The following PHF23 variants were observed in gnomAD, a reference collection of about 807,000 sequenced individuals.
PHF23 encodes the protein PHD finger protein 23, also known as PDH-containing protein JUNE-1.
A neutral mutation model predicts 36.0 loss-of-function variants in PHF23; 3 were observed. The ratio of observed to expected loss-of-function variants is 0.08; its 90% CI spans 0.04 to 0.22. The LOEUF (loss-of-function observed/expected upper bound fraction) is 0.22. Ranked by LOEUF, PHF23 falls within the 10% of genes least tolerant of loss-of-function variation. PHF23 has a pLI of 1.00. For missense variants in PHF23, 475 were observed against 513.6 expected (o/e 0.92, Z 0.73); for synonymous variants, 242 against 192.5 (o/e 1.26, Z -2.13).
chr17:7,237,637 C>G lies in PHF23; in HGVS notation c.58G>C (p.Glu20Gln). 6.2e-7 allele frequency: 1 copy of G among 1,613,992 alleles called. No individual in the cohort carries two copies. Among genetic ancestry groups the G allele is most frequent in the Non-Finnish European group, 8.5e-7 (1 of 1,179,964 alleles). Residue 20 changes from glutamate to glutamine, a missense_variant, in exon 2 of 5, where the codon GAG becomes CAG. Physicochemically the swap from Glu to Gln is conservative, Grantham distance 29 (BLOSUM62 2). Around this residue, in one of 5 missense-constraint regions of PHF23, gnomAD observed 54 missense variants for 42.0 expected, o/e 1.28. Coordinates refer to ENST00000320316, the MANE Select transcript of PHF23 (RefSeq NM_024297.3). ...PEDPPPTLKP[E>Q]TQPPEKRRRT... The stretch of plus-strand genomic sequence containing the variant: ...GGTAAGGCAAACCTCACCTGAGTCT[C>G]TGGCTTAAGGGTCGGAGGTGGATCT...
chr17:7,238,867 G>A lies in PHF23; in HGVS notation c.34+379C>T, dbSNP rs919905545. 3 of 1,532,976 alleles carry A rather than the reference G, an allele frequency of 2.0e-6. No homozygotes were observed. The East Asian group carries it at 7.4e-5, about 38-fold the overall frequency. 95.0% of individuals were successfully genotyped at this position (1,532,976 alleles called of 1,614,324 possible). On this transcript the variant is annotated intron_variant, in intron 1 of 4. Transcript: ENST00000320316. ...CCGCCACAAACTACCCCACCTCGGC[G>A]AACTACCGGGCCCCTCACTCAGCCT...
Position 7,239,324 on chromosome 17 carries a change from C to G in PHF23, c.-45G>C. ...GGTCCGGCGCCCCCCTCCCCGGAGC[C>G]GGGGATCCCGGTGCCGCCTCTAGTG... On this transcript the variant is annotated 5_prime_UTR_variant, in exon 1 of 5. Transcript: ENST00000320316. 1 of 1,015,570 alleles carries G rather than the reference C, an allele frequency of 9.8e-7. No individual in the cohort carries two copies. The highest frequency in any genetic ancestry group is 1.4e-5 in the South Asian group (1 of 73,498). The allele number at this position is 1,015,570 out of a possible 1,614,324, so 62.9% of individuals were successfully genotyped here.
Position 7,235,564 on chromosome 17 carries a change from C to T in PHF23, c.*62G>A. The T allele has an allele frequency of 6.5e-7, 1 of 1,549,706 alleles. No individual in the cohort carries two copies. Among genetic ancestry groups the T allele is most frequent in the Admixed American group, 1.7e-5 (1 of 59,620 alleles). On this transcript the variant is annotated 3_prime_UTR_variant, in exon 5 of 5. Transcript: ENST00000320316. ...CAAGCTCCAGGGGATAGGCTGAGGA[C>T]CCTGAGGCTCAGTTCCCAAATCATG...
rs1366604404 is a variant in PHF23, at chr17:7,235,115, G to C, written c.*511C>G. 1 of 176,780 alleles carries C rather than the reference G, an allele frequency of 5.7e-6. No homozygotes were observed. The highest frequency in any genetic ancestry group is 2.4e-5 in the African/African-American group (1 of 41,860). 11.0% of individuals were successfully genotyped at this position (176,780 alleles called of 1,614,324 possible). On this transcript the variant is annotated 3_prime_UTR_variant, in exon 5 of 5. Transcript: ENST00000320316. ...GGCCGATATTATTAAAAACAAAAGA[G>C]GTGAGTGAGAATCGTCACCTTTCTG...
At chr17:7,239,467 G>A (rs1597568571), upstream of PHF23, 1 of 405,430 alleles carries the variant, frequency 2.5e-6, no homozygotes. Context: ...TCCCGGACCG[G>A]GCCCCCTCCC....
intron 3 of PHF23, 105 bp downstream of exon 3, chr17:7,237,280 A>G (rs1438792637): frequency 9.6e-7 from 1 of 1,045,664 alleles, no homozygotes; most frequent in East Asian, 2.4e-5. Context: ...CTTACATATA[A>G]TTTCTAAGGG....
intron 1 of PHF23, chr17:7,238,490 GC>G: frequency 1.2e-6 from 1 of 835,158 alleles, no homozygotes; most frequent in Non-Finnish European, 1.4e-6. Context: ...CTCAACTCTG[GC>G]CCCTTCCCCC....
chr17:7,236,515 A>G lies in PHF23; in HGVS notation c.412T>C (p.Phe138Leu). The G allele has an allele frequency of 6.2e-7, 1 of 1,614,150 alleles. No individual in the cohort carries two copies. The highest frequency in any genetic ancestry group is 8.5e-7 in the Non-Finnish European group (1 of 1,180,016). ...LEKMKLKDSL[F>L]DLDGPKVASP... ...GCCACTTTGGGCCCATCCAGATCAA[A>G]GAGAGAGTCCTTGAGCTTCATCTTC... Residue 138 changes from phenylalanine to leucine, a missense_variant, in exon 4 of 5, where the codon TTT becomes CTT. By Grantham distance (22) the Phe-to-Leu change is conservative. Around this residue, in one of 5 missense-constraint regions of PHF23, gnomAD observed 350 missense variants for 319.8 expected, o/e 1.09. Transcript: ENST00000320316. The surrounding 1 kb of genome is among the most constrained non-coding windows in gnomAD (Gnocchi z 5.1).
intron 1 of PHF23, chr17:7,238,767 CCCA>C: frequency 6.5e-7 from 1 of 1,533,746 alleles, no homozygotes; most frequent in Non-Finnish European, 8.7e-7. Flanking sequence ...CCCTCTTCTC[CCCA>C]CAACTACCTG....
chr17:7,239,079 C>T (rs550829502), intron 1 of PHF23, 167 bp downstream of exon 1: 1 of 1,198,948 alleles, frequency 8.3e-7, no homozygotes, highest in Admixed American at 2.6e-5. Flanking sequence ...TCCCACTCCT[C>T]TTTCTCCAAG....
Position 7,236,836 on chromosome 17 carries a change from T to G in PHF23, c.160-69A>C. Reference sequence around the variant, plus strand: ...ATCTCAGCCCCTCCACAAACCCAGCTTGAAAAGGAGTGACTGGATTTACCC... The same window carrying G: ...ATCTCAGCCCCTCCACAAACCCAGCGTGAAAAGGAGTGACTGGATTTACCC... On this transcript the variant is annotated intron_variant, in intron 3 of 4. Transcript: ENST00000320316. The surrounding 1 kb of genome is among the most constrained non-coding windows in gnomAD (Gnocchi z 5.1). 2 of 1,526,220 alleles carry G rather than the reference T, an allele frequency of 1.3e-6. No homozygotes were observed. Among genetic ancestry groups the G allele is most frequent in the Non-Finnish European group, 1.7e-6 (2 of 1,144,548 alleles). 94.5% of individuals were successfully genotyped at this position (1,526,220 alleles called of 1,614,324 possible).
At chr17:7,237,869 T>C (rs1415130901) in intron 1 of PHF23, 4 of 595,050 alleles carry the variant, frequency 6.7e-6, no homozygotes, top group Admixed American at 6.1e-5. Context: ...GAGGCCTCGC[T>C]ATAGCGCTCC....
In PHF23 at chr17:7,235,251, AG is replaced by A; in HGVS notation, c.*374del. ...CCGGTGTAGAAGAAAATAAATGGGG[AG>A]TGAAATAGAAGAAAAGATGAGGGAG... On this transcript the variant is annotated 3_prime_UTR_variant, in exon 5 of 5. Coordinates refer to ENST00000320316, the MANE Select transcript of PHF23 (RefSeq NM_024297.3). 12 of 265,838 alleles carry A rather than the reference AG, an allele frequency of 4.5e-5. No individual in the cohort carries two copies. The highest frequency in any genetic ancestry group is 1.8e-4 in the South Asian group (4 of 22,228). 16.5% of individuals were successfully genotyped at this position (265,838 alleles called of 1,614,324 possible). A position where few individuals can be genotyped will look rare whatever the true frequency, so the allele number is the denominator to read the frequency against.
intron 1 of PHF23, chr17:7,237,972 C>G (rs2071709077): frequency 6.2e-6 from 2 of 320,666 alleles, no homozygotes; most frequent in African/African-American, 4.5e-5. Flanking sequence ...CCCCACCCCA[C>G]CGTACCGCTC....
intron 4 of PHF23, 43 bp downstream of exon 4, chr17:7,235,887 C>T (rs1231928701): frequency 6.2e-7 from 1 of 1,613,242 alleles, no homozygotes; most frequent in Admixed American, 1.7e-5. Context: ...GCTGTTGGAT[C>T]CACAACACCC....
chr17:7,239,156 C>A, intron 1 of PHF23, 90 bp downstream of exon 1: 1 of 1,076,588 alleles, frequency 9.3e-7, no homozygotes, highest in Non-Finnish European at 1.4e-6. Context: ...AACTCCCCCG[C>A]TGGGCTCCGG....
Position 7,236,171 on chromosome 17 carries a change from TTCCTCCTCC to T in PHF23, c.747_755del (p.Glu259_Glu261del), listed in dbSNP as rs757243478. The T allele has an allele frequency of 1.9e-6, 3 of 1,610,682 alleles. No homozygotes were observed. The highest frequency in any genetic ancestry group is 2.5e-6 in the Non-Finnish European group (3 of 1,178,186). On this transcript the variant is annotated inframe_deletion, in exon 4 of 5. Coordinates refer to ENST00000320316, the MANE Select transcript of PHF23 (RefSeq NM_024297.3). This position sits in a 1 kb window ranked among gnomAD's most constrained non-coding sequence, Gnocchi z 5.1. Reference sequence around the variant, plus strand: ...CTTCTTCTTCTTCCTCTTCCTCCTCTTCCTCCTCCTCTTCAGAGTCTGTATCACTGGGGG... The same window carrying T: ...CTTCTTCTTCTTCCTCTTCCTCCTCTTCTTCAGAGTCTGTATCACTGGGGG...
chr17:7,235,661 G>T lies in PHF23; in HGVS notation c.1177C>A (p.Arg393=), dbSNP rs936564918. 1.2e-6 allele frequency: 2 copies of T among 1,613,980 alleles called. No individual in the cohort carries two copies. The highest frequency in any genetic ancestry group is 1.7e-6 in the Non-Finnish European group (2 of 1,180,022). The part of the protein sequence containing the change: ...KCKELRPEAR[R]LGGPPKSGEP ...CCAGATTTGGGAGGCCCCCCTAACC[G>T]CCGGGCCTCTGGCCTCAGTTCCTTG... Residue 393 remains arginine, a synonymous_variant, in exon 5 of 5, where the codon CGG becomes AGG. Transcript: ENST00000320316.
intron 1 of PHF23, chr17:7,239,045 A>G (rs1597568003): frequency 3.0e-6 from 4 of 1,318,100 alleles, no homozygotes; most frequent in Admixed American, 5.4e-5. Context: ...ACACCGTCTG[A>G]TCTCCAACTA....
Sources: gnomAD v4.1 joint callset for allele counts on GRCh38, gnomAD v4.1.1 for gene constraint, gnomAD v4.1.1 regional missense constraint, Gnocchi (gnomAD v3.1) non-coding constraint, MANE v1.5 for transcripts, NCBI Gene and HGNC (gene_info 2026-07-23, HGNC 2026-07-21) for gene names.